ADAMTSL1: variants seen among roughly 807,000 people sequenced by gnomAD.
The protein encoded by ADAMTSL1 is ADAMTS-like protein 1.
Under a neutral mutation model 201.8 loss-of-function variants are expected in ADAMTSL1, and 126 were observed. The ratio of observed to expected loss-of-function variants is 0.62; its 90% confidence interval spans 0.54 to 0.72. The LOEUF (loss-of-function observed/expected upper bound fraction) is 0.72, where lower values mean the gene tolerates loss of function less well. Ranked by LOEUF, ADAMTSL1 falls within the 30% of genes least tolerant of loss-of-function variation. The probability of loss-of-function intolerance (pLI) is 0.00; values close to 1 mark genes in which losing one functional copy is unlikely to be tolerated. For synonymous variants in ADAMTSL1, 1,121 were observed against 903.4 expected (o/e 1.24, Z -4.32); for missense variants, 2,679 against 2,277.8 (o/e 1.18, Z -3.59).
chr9:18,359,882 C>G (rs1024740082), intron 2 of ADAMTSL1, among the ~76,000 whole-genome samples: 2 of 126,132 alleles, frequency 1.6e-5, no homozygotes, highest in African/African-American at 5.9e-5. Context: ...ATACCTTGGA[C>G]TCAAGTCTTG....
intron 2 of ADAMTSL1, among the ~76,000 whole-genome samples, chr9:18,319,907 G>A (rs774682582): frequency 3.3e-5 from 5 of 152,084 alleles, no homozygotes; most frequent in African/African-American, 9.7e-5. Flanking sequence ...TGGTGGGCTC[G>A]GCTGGAGTCA....
intron 7 of ADAMTSL1, among the ~76,000 whole-genome samples, chr9:18,648,848 A>G (rs989086508): frequency 9.2e-5 from 14 of 152,056 alleles, no homozygotes; most frequent in Non-Finnish European, 2.1e-4. Context: ...ACTTTGGTGA[A>G]TCTGACAATT....
At chr9:18,826,613 A>G (rs1462393436) in intron 22 of ADAMTSL1, 150 bp downstream of exon 22, 2 of 968,362 alleles carry the variant, frequency 2.1e-6, no homozygotes, top group South Asian at 1.7e-5. Flanking sequence ...GGGCCTTTCG[A>G]TAGAACACAA....
chr9:18,714,168 C>G (rs1441824893), intron 14 of ADAMTSL1, among the ~76,000 whole-genome samples: 2 of 151,906 alleles, frequency 1.3e-5, no homozygotes, highest in Non-Finnish European at 2.9e-5. Flanking sequence ...AAATTGACAC[C>G]CTAACATCAC....
At chr9:18,891,650 TGTCACGCG>T (rs1829281596) in intron 25 of ADAMTSL1, among the ~76,000 whole-genome samples, 1 of 152,244 alleles carries the variant, frequency 6.6e-6, no homozygotes, top group Non-Finnish European at 1.5e-5. Flanking sequence ...ACCTATGGAC[TGTCACGCG>T]GTCACGCCAA....
At chr9:17,948,121 T>C (rs1258819109) in intron 1 of ADAMTSL1, among the ~76,000 whole-genome samples, 5 of 152,198 alleles carry the variant, frequency 3.3e-5, no homozygotes, top group African/African-American at 9.6e-5. Flanking sequence ...TCACTAAATA[T>C]GAATTTTCAG....
intron 7 of ADAMTSL1, among the ~76,000 whole-genome samples, chr9:18,642,610 A>G (rs1245200593): frequency 2.0e-5 from 3 of 151,934 alleles, no homozygotes; most frequent in Non-Finnish European, 4.4e-5. Flanking sequence ...CTGGTAGCCA[A>G]TATTCTACTC....
rs532247447 is a variant in ADAMTSL1 at position 18,727,722 on chromosome 9, G to A, written c.2006+6057G>A. 7.8e-4 allele frequency among the ~76,000 whole-genome samples: 118 copies of A among 152,196 alleles called. 2 individuals are homozygous for A. Among genetic ancestry groups the A allele is most frequent in the Non-Finnish European group, 1.5e-3 (100 of 68,038 alleles). On this transcript the variant is annotated intron_variant, in intron 15 of 28. Coordinates refer to ENST00000380548, the MANE Select transcript of ADAMTSL1 (RefSeq NM_001040272.6). Reference sequence around the variant, plus strand: ...CCATGTGTGAGCATGTGTGACCATGGAAAGGAATATCTTTACATCACCTGT... The same window carrying A: ...CCATGTGTGAGCATGTGTGACCATGAAAAGGAATATCTTTACATCACCTGT...
chr9:18,405,072 C>A (rs192445439), intron 2 of ADAMTSL1, among the ~76,000 whole-genome samples: 3 of 152,102 alleles, frequency 2.0e-5, no homozygotes, highest in Middle Eastern at 3.2e-3. Context: ...AAATACCTGA[C>A]GTGTTTGTCT....
At chr9:18,676,380 A>G (rs1388077503) in intron 10 of ADAMTSL1, among the ~76,000 whole-genome samples, 1 of 152,106 alleles carries the variant, frequency 6.6e-6, no homozygotes, top group Admixed American at 6.6e-5. Context: ...TTTCAGATAA[A>G]TTATAATTAA....
At position 18,541,218 on chromosome 9, in the gene ADAMTSL1, C is replaced by T. The variant is rs146814400; in HGVS notation, c.237+7926C>T. Among the ~76,000 whole-genome samples the T allele has an allele frequency of 7.3e-3, 1,105 of 152,230 alleles. 8 individuals are homozygous for T. The highest frequency in any genetic ancestry group is 0.011 in the Non-Finnish European group (720 of 68,010). On this transcript the variant is annotated intron_variant, in intron 3 of 28. Coordinates refer to ENST00000380548, the MANE Select transcript of ADAMTSL1 (RefSeq NM_001040272.6). Reference sequence around the variant, plus strand: ...TTGGACAGTCTCTAAAAGGCTATTACGATGTATGAGTGGCAGGCGCAGTGG... The same window carrying T: ...TTGGACAGTCTCTAAAAGGCTATTATGATGTATGAGTGGCAGGCGCAGTGG...
At chr9:18,273,189 C>T (rs1244230781) in intron 2 of ADAMTSL1, among the ~76,000 whole-genome samples, 2 of 152,162 alleles carry the variant, frequency 1.3e-5, no homozygotes, top group South Asian at 2.1e-4. Flanking sequence ...AAGTGATTCT[C>T]GTGCCTCAGC....
intron 1 of ADAMTSL1, among the ~76,000 whole-genome samples, chr9:18,117,877 A>C (rs1049161731): frequency 6.6e-6 from 1 of 151,978 alleles, no homozygotes; most frequent in African/African-American, 2.4e-5. Context: ...TTCTCCATTC[A>C]CTCTTGGCTA....
At chr9:18,166,410 G>T (rs1827634660) in intron 2 of ADAMTSL1, among the ~76,000 whole-genome samples, 1 of 151,870 alleles carries the variant, frequency 6.6e-6, no homozygotes, top group South Asian at 2.1e-4. Flanking sequence ...CATGAAAAGG[G>T]CCTTATAAAT....
chr9:18,537,968 A>AAAGAAGCAGAG (rs1554699360), intron 3 of ADAMTSL1, among the ~76,000 whole-genome samples: 2 of 149,806 alleles, frequency 1.3e-5, no homozygotes, highest in African/African-American at 4.9e-5. Flanking sequence ...AGAAGAGAAG[A>AAAGAAGCAGAG]AAGAAGAAGA....
At chr9:17,920,284 C>T (rs1181807357) in intron 1 of ADAMTSL1, among the ~76,000 whole-genome samples, 1 of 152,130 alleles carries the variant, frequency 6.6e-6, no homozygotes, top group African/African-American at 2.4e-5. Context: ...CCTCCTTTCA[C>T]CCTTCTCTGT....
intron 2 of ADAMTSL1, among the ~76,000 whole-genome samples, chr9:18,463,810 C>T (rs980589202): frequency 6.6e-6 from 1 of 152,214 alleles, no homozygotes. Context: ...TATAACACTG[C>T]TATGAACATG....
chr9:18,650,971 G>T (rs1564119358), intron 7 of ADAMTSL1, among the ~76,000 whole-genome samples: 1 of 152,198 alleles, frequency 6.6e-6, no homozygotes, highest in African/African-American at 2.4e-5. Flanking sequence ...AAAGTGGATA[G>T]ATCCAAATTA....
chr9:18,002,533 C>T (rs969760596), intron 1 of ADAMTSL1, among the ~76,000 whole-genome samples: 1 of 152,018 alleles, frequency 6.6e-6, no homozygotes, highest in Non-Finnish European at 1.5e-5. Context: ...GTGACCATAG[C>T]ATTAATGAAC....
Sources: allele counts gnomAD v4.1 joint callset (sites outside exome capture counted in the v4.1 genomes callset), GRCh38; gene constraint gnomAD v4.1.1; transcripts MANE v1.5; gene names NCBI Gene and HGNC (gene_info 2026-07-23, HGNC 2026-07-21).